CRIM1: variants seen among roughly 807,000 people sequenced by gnomAD.
The protein encoded by CRIM1 is cysteine rich transmembrane BMP regulator 1.
Under a neutral mutation model 116.4 loss-of-function variants are expected in CRIM1, and 32 were observed. The ratio of observed to expected loss-of-function variants is 0.27; its 90% CI spans 0.21 to 0.37. The LOEUF (loss-of-function observed/expected upper bound fraction) is 0.37. Ranked by LOEUF, CRIM1 falls within the 10% of genes least tolerant of loss-of-function variation. The probability of loss-of-function intolerance (pLI) is 1.00; values close to 1 mark genes in which losing one functional copy is unlikely to be tolerated. For synonymous variants in CRIM1, 590 were observed against 509.2 expected, an observed-to-expected ratio of 1.16 and a Z score of -2.13; for missense variants, 1,331 against 1,354.8, an observed-to-expected ratio of 0.98 and a Z score of 0.28.
Position 36,477,235 on chromosome 2 carries a change from A to G in CRIM1, c.1174+164A>G, listed in dbSNP as rs770162308. Among the ~76,000 whole-genome samples, 35 of 152,214 alleles carry G rather than the reference A, an allele frequency of 2.3e-4. 1 individual carries two copies. The highest frequency in any genetic ancestry group is 3.2e-3 in the Middle Eastern group (1 of 316). ...GTCTGTCTTTTAGCATGTTAAAGCCAGGTAGAGTGTGTGGAAACACTTCCC... is the reference window on the plus strand; with the variant it reads ...GTCTGTCTTTTAGCATGTTAAAGCCGGGTAGAGTGTGTGGAAACACTTCCC... On this transcript the variant is annotated intron_variant, in intron 6 of 16. Coordinates refer to ENST00000280527, the MANE Select transcript of CRIM1 (RefSeq NM_016441.3).
At chr2:36,542,700 C>T (rs1037349762) in intron 14 of CRIM1, among the ~76,000 whole-genome samples, 9 of 152,188 alleles carry the variant, frequency 5.9e-5, no homozygotes, top group South Asian at 2.1e-4. Flanking sequence ...CTGGACTAGG[C>T]AGGGGAGGGG....
At chr2:36,364,991 G>A (rs183255161) in intron 1 of CRIM1, among the ~76,000 whole-genome samples, 3 of 151,908 alleles carry the variant, frequency 2.0e-5, no homozygotes, top group Non-Finnish European at 4.4e-5. Context: ...TTACCTTGTG[G>A]GCACACATTT....
chr2:36,374,559 A>C (rs951171275), intron 1 of CRIM1, among the ~76,000 whole-genome samples: 1 of 152,000 alleles, frequency 6.6e-6, no homozygotes. Context: ...ACATTGTCCT[A>C]TGTTGCTACC....
chr2:36,485,071 T>C (rs1310323466), intron 7 of CRIM1, among the ~76,000 whole-genome samples: 1 of 152,228 alleles, frequency 6.6e-6, no homozygotes, highest in East Asian at 1.9e-4. Flanking sequence ...TTTGCAGACA[T>C]ATTATCAGAT....
At chr2:36,454,488 G>C (rs947750500) in intron 4 of CRIM1, among the ~76,000 whole-genome samples, 4 of 152,104 alleles carry the variant, frequency 2.6e-5, no homozygotes, top group African/African-American at 9.7e-5. Flanking sequence ...GAGGCATGAT[G>C]GGGGGCTTCA....
chr2:36,507,393 C>T (rs1418445760), intron 8 of CRIM1, among the ~76,000 whole-genome samples: 1 of 152,172 alleles, frequency 6.6e-6, no homozygotes, highest in Non-Finnish European at 1.5e-5. Flanking sequence ...GTCTTGATGA[C>T]AGTGGAGGAG....
At chr2:36,358,670 T>G (rs982291631) in intron 1 of CRIM1, among the ~76,000 whole-genome samples, 1 of 152,228 alleles carries the variant, frequency 6.6e-6, no homozygotes, top group Non-Finnish European at 1.5e-5. Context: ...TGGAAGGGTT[T>G]GTTGACATGA....
intron 10 of CRIM1, 118 bp from the exon 11 acceptor site, chr2:36,513,438 A>G: frequency 2.7e-6 from 2 of 739,262 alleles, no homozygotes; most frequent in East Asian, 2.5e-5. Flanking sequence ...CATGTCACAA[A>G]CTGTCCTGTG....
chr2:36,442,596 C>G lies in CRIM1; in HGVS notation c.749-19C>G. 1 of 1,614,044 alleles carries G rather than the reference C, an allele frequency of 6.2e-7. No homozygotes were observed. The highest frequency in any genetic ancestry group is 8.5e-7 in the Non-Finnish European group (1 of 1,179,932). ...GTAAATATAACAATAAACGGTGCCT[C>G]TCTGTTTGCCCCTTTCAGTTTTCGG... On this transcript the variant is annotated intron_variant, in intron 3 of 16. Transcript: ENST00000280527.
intron 11 of CRIM1, among the ~76,000 whole-genome samples, chr2:36,514,388 T>C (rs189634794): frequency 8.7e-4 from 132 of 152,336 alleles, no homozygotes; most frequent in Middle Eastern, 6.8e-3. Context: ...ACAGTAATTA[T>C]AACCATAAAC....
In CRIM1 at chr2:36,441,511, G is replaced by C; in HGVS notation, c.748+11G>C. On this transcript the variant is annotated intron_variant, in intron 3 of 16. Coordinates refer to ENST00000280527, the MANE Select transcript of CRIM1 (RefSeq NM_016441.3). ...ATGAGTGCAAACCAGGTATGCACGA[G>C]CTCTGTCTCAGCAGCCTTGTTCCTT... is the stretch of plus-strand genomic sequence containing the variant. 1 of 1,606,140 alleles carries C rather than the reference G, an allele frequency of 6.2e-7. No homozygotes were observed. The highest frequency in any genetic ancestry group is 8.5e-7 in the Non-Finnish European group (1 of 1,179,504).
Position 36,442,528 on chromosome 2 carries a change from A to G in CRIM1, c.749-87A>G, listed in dbSNP as rs1334636257. ...TTGTGGAAGCAAGGAGACTTTGGAC[A>G]TTTGTCAAGAGCTAGTATTTCATTT... On this transcript the variant is annotated intron_variant, in intron 3 of 16. Transcript: ENST00000280527. 5 of 1,533,696 alleles carry G rather than the reference A, an allele frequency of 3.3e-6. No individual in the cohort carries two copies. The East Asian group carries it at 6.8e-5, about 21-fold the overall frequency.
chr2:36,441,614 G>T (rs1269920348), intron 3 of CRIM1, 114 bp downstream of exon 3: 2 of 1,353,184 alleles, frequency 1.5e-6, no homozygotes, highest in South Asian at 2.7e-5. Flanking sequence ...TCTCACCGGT[G>T]TCCTGTGAAT....
At chr2:36,363,696 G>A (rs767347926) in intron 1 of CRIM1, among the ~76,000 whole-genome samples, 27 of 152,016 alleles carry the variant, frequency 1.8e-4, no homozygotes, top group Admixed American at 3.3e-4. Context: ...TTAATTTGGG[G>A]AGGAGGCGGG....
In CRIM1 at chr2:36,464,549, T is replaced by G. The variant is rs774306979; in HGVS notation, c.885T>G (p.Ser295=). ...CTLPTRCECL[S]GLCGFPVCEV... is the part of the protein sequence containing the mutation. ...TTGGTTTCAGATGCGAGTGTCTCTC[T>G]GGCTTATGTGGTTTCCCCGTGTGTG... is the stretch of plus-strand genomic sequence containing the variant. Residue 295 remains serine (S), a synonymous_variant, in exon 5 of 17, where the codon TCT becomes TCG. Coordinates refer to ENST00000280527, the MANE Select transcript of CRIM1 (RefSeq NM_016441.3). 1.2e-6 allele frequency: 2 copies of G among 1,614,078 alleles called. No individual in the cohort carries two copies. Among genetic ancestry groups the G allele is most frequent in the African/African-American group, 2.7e-5 (2 of 74,936 alleles).
chr2:36,414,884 TA>T (rs1673490359), intron 2 of CRIM1, among the ~76,000 whole-genome samples: 1 of 152,146 alleles, frequency 6.6e-6, no homozygotes, highest in African/African-American at 2.4e-5. Flanking sequence ...ATTCTAAGTA[TA>T]ATAGGAATCC....
At chr2:36,386,036 G>C (rs1232104867) in intron 1 of CRIM1, among the ~76,000 whole-genome samples, 1 of 152,240 alleles carries the variant, frequency 6.6e-6, no homozygotes, top group East Asian at 1.9e-4. Flanking sequence ...ATTGTTAGAA[G>C]GTCTAGTCAC....
intron 4 of CRIM1, among the ~76,000 whole-genome samples, chr2:36,450,353 G>A (rs1430157244): frequency 2.0e-5 from 3 of 152,096 alleles, no homozygotes; most frequent in Non-Finnish European, 2.9e-5. Context: ...CCCTGAGGTC[G>A]GATTGTGTGT....
intron 1 of CRIM1, among the ~76,000 whole-genome samples, chr2:36,380,188 C>G (rs1347263779): frequency 6.6e-6 from 1 of 152,208 alleles, no homozygotes; most frequent in African/African-American, 2.4e-5. Flanking sequence ...AGTGCCAGGC[C>G]AGCTCTGCAT....
Sources: gnomAD v4.1 joint callset for allele counts (sites outside exome capture counted in the v4.1 genomes callset) on GRCh38, gnomAD v4.1.1 for gene constraint, MANE v1.5 for transcripts, NCBI Gene and HGNC (gene_info 2026-07-23, HGNC 2026-07-21) for gene names.